The following KIFBP variants were observed in gnomAD, a reference collection of about 807,000 sequenced individuals.
KIFBP encodes KIF-binding protein.
In KIFBP, 46 loss-of-function variants were observed where a neutral mutation model predicts 58.9. The ratio of observed to expected loss-of-function variants is 0.78; its 90% CI spans 0.62 to 1.00. The LOEUF (loss-of-function observed/expected upper bound fraction) is 1.00, where lower values mean the gene tolerates loss of function less well. KIFBP is among the 50% of genes least tolerant of loss of function. The probability of loss-of-function intolerance (pLI) is 0.00; values close to 1 mark genes in which losing one functional copy is unlikely to be tolerated. For synonymous variants in KIFBP, 241 were observed against 283.4 expected (o/e 0.85, Z 1.50); for missense variants, 651 against 752.9 (o/e 0.86, Z 1.58).
At chr10:69,014,717 C>CCG (rs557949139) in intron 6 of KIFBP, among the ~76,000 whole-genome samples, 31 of 73,910 alleles carry the variant, frequency 4.2e-4, no homozygotes, top group African/African-American at 1.7e-3. Context: ...TTTTTATTTG[C>CCG]CCCCCCCCAC....
chr10:68,988,980 C>T lies in KIFBP; in HGVS notation c.148C>T (p.Leu50Phe). 6.2e-7 allele frequency: 1 copy of T among 1,614,240 alleles called. No homozygotes were observed. Among genetic ancestry groups the T allele is most frequent in the Non-Finnish European group, 8.5e-7 (1 of 1,180,036 alleles). The change falls in exon 1 of 7, where the codon CTC becomes TTC. Residue 50 changes from leucine (L) to phenylalanine (F), a missense_variant. Leu to Phe is a conservative substitution (Grantham distance 22). Coordinates refer to ENST00000361983, the MANE Select transcript of KIFBP (RefSeq NM_015634.4). ...GCTACTGGAAGAGGTCAAGGCGCTG[C>T]TCGGCCCTGCGCCTGAGGACGAGGA... ...RALLEEVKAL[L>F]GPAPEDEDER... is the part of the protein sequence containing the mutation.
chr10:68,999,600 A>G (rs2132110244), intron 1 of KIFBP: 1 of 152,172 alleles, frequency 6.6e-6, no homozygotes, highest in Middle Eastern at 3.4e-3. Flanking sequence ...GGGAGGATCC[A>G]TTTCCAACTT....
rs764854642 is a variant in KIFBP at position 68,988,949 on chromosome 10, C to G, written c.117C>G (p.Ala39=). The change falls in exon 1 of 7, where the codon GCC becomes GCG. Residue 39 remains alanine, a synonymous_variant. Transcript: ENST00000361983. The part of the protein sequence containing the change: ...EKEPYKSKYS[A]RALLEEVKAL... ...AACCATACAAGTCCAAATACAGCGC[C>G]CGGGCGCTACTGGAAGAGGTCAAGG... The G allele has an allele frequency of 8.7e-6, 14 of 1,614,120 alleles. No individual in the cohort carries two copies. In the Admixed American group the frequency reaches 2.3e-4, roughly 27 times the overall value.
chr10:69,009,057 T>A (rs1395833678), intron 5 of KIFBP, 132 bp downstream of exon 5: 1 of 693,760 alleles, frequency 1.4e-6, no homozygotes, highest in African/African-American at 1.8e-5. Context: ...TTTTTAGTAT[T>A]TTCCTCGCTT....
intron 3 of KIFBP, among the ~76,000 whole-genome samples, chr10:69,005,527 T>C (rs1252600791): frequency 6.6e-6 from 1 of 151,874 alleles, no homozygotes; most frequent in African/African-American, 2.4e-5. Flanking sequence ...AATACAAAAA[T>C]TAGCCAGGCA....
At chr10:68,996,376 C>A (rs1843407608) in intron 1 of KIFBP, among the ~76,000 whole-genome samples, 2 of 152,024 alleles carry the variant, frequency 1.3e-5, no homozygotes, top group Non-Finnish European at 2.9e-5. Context: ...GCCTGGCCAA[C>A]ATGGCAAAAC....
intron 2 of KIFBP, among the ~76,000 whole-genome samples, chr10:69,000,901 T>G (rs916124597): frequency 6.6e-6 from 1 of 152,214 alleles, no homozygotes; most frequent in Non-Finnish European, 1.5e-5. Flanking sequence ...CTGAAATCTT[T>G]GAAGCAATGG....
intron 5 of KIFBP, among the ~76,000 whole-genome samples, chr10:69,010,526 T>C (rs1479163529): frequency 3.3e-5 from 5 of 152,218 alleles, no homozygotes; most frequent in African/African-American, 7.2e-5. Context: ...AACCATCTGT[T>C]GTGTGACATA....
intron 6 of KIFBP, 63 bp downstream of exon 6, chr10:69,011,078 A>T (rs2132116618): frequency 5.4e-6 from 6 of 1,108,648 alleles, no homozygotes; most frequent in East Asian, 2.4e-5. Flanking sequence ...AAAAACTCAT[A>T]GTGGGGATTG....
At chr10:68,999,074 C>T (rs1187544256) in intron 1 of KIFBP, among the ~76,000 whole-genome samples, 1 of 150,434 alleles carries the variant, frequency 6.6e-6, no homozygotes, top group Non-Finnish European at 1.5e-5. Context: ...AGCCACTGTG[C>T]CGGGCCCATA....
chr10:69,005,904 T>C lies in KIFBP; in HGVS notation c.778T>C (p.Tyr260His), dbSNP rs572485003. ...AINAATLSQF[Y>H]INKLCFMEAR... is the part of the protein sequence containing the mutation. ...CAATGCTGCTACCTTGTCACAGTTT[T>C]ACATCAATAAGGTAAGCTTCTTGAA... The change falls in exon 4 of 7, where the codon TAC becomes CAC. Residue 260 changes from tyrosine (Y) to histidine (H), a missense_variant. Transcript: ENST00000361983. The C allele has an allele frequency of 2.7e-5, 43 of 1,613,892 alleles. No homozygotes were observed. In the East Asian group the frequency reaches 9.4e-4, roughly 35 times the overall value.
chr10:69,002,121 G>C (rs1328252267), intron 2 of KIFBP, among the ~76,000 whole-genome samples: 2 of 151,782 alleles, frequency 1.3e-5, no homozygotes, highest in Non-Finnish European at 2.9e-5. Flanking sequence ...AGCTATCATC[G>C]AACCACTGTA....
chr10:69,009,358 T>C (rs902376178), intron 5 of KIFBP, among the ~76,000 whole-genome samples: 1 of 151,652 alleles, frequency 6.6e-6, no homozygotes, highest in African/African-American at 2.4e-5. Flanking sequence ...AAAAAAAAAG[T>C]AACATTGATA....
intron 1 of KIFBP, among the ~76,000 whole-genome samples, chr10:68,992,182 G>A (rs1010439661): frequency 3.3e-5 from 5 of 151,852 alleles, no homozygotes; most frequent in South Asian, 2.1e-4. Flanking sequence ...TTAGAGAGAC[G>A]GTGTTTCACC....
intron 2 of KIFBP, among the ~76,000 whole-genome samples, chr10:69,001,334 G>T (rs193071428): frequency 2.1e-4 from 32 of 152,142 alleles, no homozygotes; most frequent in Admixed American, 1.8e-3. Context: ...GTCACAGCCT[G>T]CAAAGGTGAC....
chr10:68,989,506 A>G (rs1216635238), intron 1 of KIFBP: 13 of 583,690 alleles, frequency 2.2e-5, no homozygotes, highest in Non-Finnish European at 3.4e-5. Flanking sequence ...CGCCCACACC[A>G]ATATCGCTTG....
rs201777829 is a variant in KIFBP at position 68,988,880 on chromosome 10, G to T, written c.48G>T (p.Ala16=). The T allele has an allele frequency of 9.4e-5, 151 of 1,614,266 alleles. No homozygotes were observed. The African/African-American group carries it at 1.7e-3, about 18-fold the overall frequency. ...WAEVCEKFQA[A]LALSRVELHK... The stretch of plus-strand genomic sequence containing the variant: ...AGGTCTGCGAGAAATTCCAGGCGGC[G>T]CTCGCTCTGTCGCGGGTGGAACTGC... The change falls in exon 1 of 7, where the codon GCG becomes GCT. Residue 16 remains alanine (A), a synonymous_variant. Coordinates refer to ENST00000361983, the MANE Select transcript of KIFBP (RefSeq NM_015634.4).
intron 6 of KIFBP, among the ~76,000 whole-genome samples, chr10:69,014,236 C>T (rs763762141): frequency 7.2e-5 from 11 of 152,146 alleles, no homozygotes; most frequent in Non-Finnish European, 1.5e-4. Context: ...CCTTTAACTT[C>T]ATGTAAAAGT....
intron 1 of KIFBP, among the ~76,000 whole-genome samples, chr10:68,996,332 G>A (rs1306867970): frequency 1.3e-5 from 2 of 151,728 alleles, no homozygotes; most frequent in Non-Finnish European, 2.9e-5. Context: ...AGGCTGAGGT[G>A]GGTGGATCAC....
Sources: allele counts gnomAD v4.1 joint callset (sites outside exome capture counted in the v4.1 genomes callset), GRCh38; gene constraint gnomAD v4.1.1; transcripts MANE v1.5; gene names NCBI Gene and HGNC (gene_info 2026-07-23, HGNC 2026-07-21).